PAQR3: variants seen among roughly 807,000 people sequenced by gnomAD.
PAQR3 encodes the protein progestin and adipoQ receptor family member 3.
A neutral mutation model predicts 41.7 loss-of-function variants in PAQR3; 39 were observed. The ratio of observed to expected loss-of-function variants is 0.93; its 90% CI spans 0.72 to 1.22. The LOEUF (loss-of-function observed/expected upper bound fraction) is 1.22, where lower values mean the gene tolerates loss of function less well. Ranked by LOEUF, PAQR3 falls within the 50% of genes most tolerant of loss-of-function variation. The probability of loss-of-function intolerance (pLI) is 0.00; values close to 1 mark genes in which losing one functional copy is unlikely to be tolerated. For missense variants in PAQR3, 366 were observed against 385.6 expected, an observed-to-expected ratio of 0.95 and a Z score of 0.42; for synonymous variants, 140 against 140.6, an observed-to-expected ratio of 1.00 and a Z score of 0.03.
In PAQR3 at chr4:78,920,679, G is replaced by T; in HGVS notation, c.796C>A (p.Gln266Lys). The T allele has an allele frequency of 5.0e-6, 8 of 1,598,620 alleles. No individual in the cohort carries two copies. Among genetic ancestry groups the T allele is most frequent in the Non-Finnish European group, 6.8e-6 (8 of 1,172,020 alleles). The part of the protein sequence containing the change: ...SKVPERYFPG[Q>K]LNYLGSSHQI... ...TGGCTTGATCCGAGGTAGTTTAGTT[G>T]TCCTGGAAAGAAGGTAGAAAGAAAA... is the stretch of plus-strand genomic sequence containing the variant. Residue 266 changes from glutamine to lysine, a missense_variant and splice_region_variant, in exon 6 of 6, where the codon CAA becomes AAA. Coordinates refer to ENST00000512733, the MANE Select transcript of PAQR3 (RefSeq NM_001040202.2).
At chr4:78,921,975 T>G (rs1279719321) in intron 5 of PAQR3, 7 of 984,146 alleles carry the variant, frequency 7.1e-6, no homozygotes, top group African/African-American at 1.7e-5. Flanking sequence ...TGTCCTATAT[T>G]AAACAATTGG....
chr4:78,928,445 T>G (rs559189949), intron 3 of PAQR3, among the ~76,000 whole-genome samples: 2 of 152,324 alleles, frequency 1.3e-5, no homozygotes, highest in South Asian at 4.1e-4. Context: ...CGCGTTTAAG[T>G]GGCTAAAATT....
In PAQR3 at chr4:78,939,076, T is replaced by C; in HGVS notation, c.149A>G (p.Tyr50Cys). 3.7e-6 allele frequency: 6 copies of C among 1,611,874 alleles called. No individual in the cohort carries two copies. The highest frequency in any genetic ancestry group is 4.2e-6 in the Non-Finnish European group (5 of 1,178,414). ...CAGCCTGGACGGCAGGTAGGCCCGG[T>C]AGCCGTCGGTGATGTACGGGTTGTC... The part of the protein sequence containing the change: ...LKDNPYITDG[Y>C]RAYLPSRLCI... Residue 50 changes from tyrosine to cysteine, a missense_variant, in exon 1 of 6, where the codon TAC (tyrosine) becomes TGC (cysteine). By Grantham distance (194) the Tyr-to-Cys change is radical. Coordinates refer to ENST00000512733, the MANE Select transcript of PAQR3 (RefSeq NM_001040202.2).
rs1469319303 is a variant in PAQR3, at chr4:78,916,157, C to T, written c.*4382G>A. On this transcript the variant is annotated 3_prime_UTR_variant, in exon 6 of 6. Transcript: ENST00000512733. ...GATAGACTCAGTCTCCCCCTCCCAC[C>T]CCTTTTCCCCTGCCATATCTAATTA... The T allele has an allele frequency of 6.6e-6, 1 of 151,924 alleles. No individual in the cohort carries two copies. The highest frequency in any genetic ancestry group is 1.5e-5 in the Non-Finnish European group (1 of 67,866). 9.4% of individuals were successfully genotyped at this position (151,924 alleles called of 1,614,324 possible).
At chr4:78,897,788 A>G (rs1016348309) in intron 11 of PAQR3, among the ~76,000 whole-genome samples, 2 of 152,196 alleles carry the variant, frequency 1.3e-5, no homozygotes, top group African/African-American at 4.8e-5. Flanking sequence ...AAGTTAATTC[A>G]GGAGCTATTT....
At chr4:78,887,203 A>G (rs751229561) in exon 13 of PAQR3, 47 of 1,610,614 alleles carry the variant, frequency 2.9e-5, no homozygotes, top group Non-Finnish European at 3.9e-5. Flanking sequence ...ATCCTCAGAT[A>G]AGAATGTAGA....
Position 78,919,873 on chromosome 4 carries a change from A to G in PAQR3, c.*666T>C. ...GTACTTAGTTTCTAATGTGATTCTT[A>G]TCTGATAGAAAATGAGAAGTTCTTT... On this transcript the variant is annotated 3_prime_UTR_variant, in exon 6 of 6. Coordinates refer to ENST00000512733, the MANE Select transcript of PAQR3 (RefSeq NM_001040202.2). 1.0e-6 allele frequency: 1 copy of G among 985,210 alleles called. No individual in the cohort carries two copies. Among genetic ancestry groups the G allele is most frequent in the Non-Finnish European group, 1.2e-6 (1 of 829,516 alleles). 61.0% of individuals were successfully genotyped at this position (985,210 alleles called of 1,614,324 possible). A position where few individuals can be genotyped will look rare whatever the true frequency, so the allele number is the denominator to read the frequency against.
intron 12 of PAQR3, among the ~76,000 whole-genome samples, chr4:78,887,548 GA>G (rs1291663962): frequency 1.3e-5 from 2 of 151,730 alleles, no homozygotes; most frequent in Non-Finnish European, 2.9e-5. Context: ...GGATACTGTT[GA>G]AAAAAATATT....
intron 2 of PAQR3, 83 bp from the exon 3 acceptor site, chr4:78,930,408 G>A: frequency 2.2e-6 from 3 of 1,392,540 alleles, no homozygotes; most frequent in South Asian, 1.4e-5. Flanking sequence ...GTAGTTAAGA[G>A]GCTAGGCTTT....
At chr4:78,909,877 G>A (rs1342923138), downstream of PAQR3, among the ~76,000 whole-genome samples, 6 of 152,122 alleles carry the variant, frequency 3.9e-5, no homozygotes, top group Admixed American at 1.3e-4. Context: ...TATTTCTTTC[G>A]TTGAATGAAC....
chr4:78,901,530 T>C lies in PAQR3; in HGVS notation c.*836+4578A>G, dbSNP rs1289851186. ...CACTACCAGTATCTGTTTAAGATGG[T>C]GCCATTCCTATTTTCACTAAAGGAT... is the stretch of plus-strand genomic sequence containing the variant. On this transcript the variant is annotated intron_variant and NMD_transcript_variant, in intron 11 of 12. Transcript: ENST00000342820. Among the ~76,000 whole-genome samples, 8 of 151,902 alleles carry C rather than the reference T, an allele frequency of 5.3e-5. No homozygotes were observed. The South Asian group carries it at 1.7e-3, about 31-fold the overall frequency.
chr4:78,888,119 G>A (rs145833130), exon 12 of PAQR3: 2 of 152,306 alleles, frequency 1.3e-5, no homozygotes, highest in African/African-American at 4.8e-5. Context: ...ACATTGAACA[G>A]CTTTTCAACA....
rs193059484 is a variant in PAQR3, at chr4:78,890,368, T to G, written c.*837-2220A>C. Among the ~76,000 whole-genome samples, 34 of 151,392 alleles carry G rather than the reference T, an allele frequency of 2.2e-4. No individual in the cohort carries two copies. In the East Asian group the frequency reaches 6.4e-3, roughly 28 times the overall value. On this transcript the variant is annotated intron_variant and NMD_transcript_variant, in intron 11 of 12. Coordinates refer to the PAQR3 transcript ENST00000342820. ...GAGATTTTTTTTTGATTTAGATATT[T>G]TACAGTTTGTCCGCCTCACACATAC...
In PAQR3 at chr4:78,920,174, A is replaced by C. The variant is rs1735508804; in HGVS notation, c.*365T>G. 1 of 993,988 alleles carries C rather than the reference A, an allele frequency of 1.0e-6. No homozygotes were observed. The highest frequency in any genetic ancestry group is 1.7e-5 in the African/African-American group (1 of 57,626). 61.6% of individuals were successfully genotyped at this position (993,988 alleles called of 1,614,324 possible). A position where few individuals can be genotyped will look rare whatever the true frequency, so the allele number is the denominator to read the frequency against. On this transcript the variant is annotated 3_prime_UTR_variant, in exon 6 of 6. Transcript: ENST00000512733. ...CTTGACAATTAACTGAAAATAATTA[A>C]GCACATAAGATGACTCCATTTTCTA...
chr4:78,930,380 T>G, intron 2 of PAQR3, 55 bp from the exon 3 acceptor site: 1 of 1,532,544 alleles, frequency 6.5e-7, no homozygotes, highest in Non-Finnish European at 8.8e-7. Flanking sequence ...AAGCAACTTA[T>G]GCATGATATT....
intron 4 of PAQR3, 132 bp from the exon 5 acceptor site, chr4:78,924,079 C>A: frequency 1.4e-6 from 1 of 697,984 alleles, no homozygotes; most frequent in Non-Finnish European, 2.4e-6. Context: ...ATAATAGAAA[C>A]CTTGTCCTCA....
chr4:78,921,549 T>A (rs926542821), intron 5 of PAQR3: 8 of 658,072 alleles, frequency 1.2e-5, no homozygotes, highest in African/African-American at 9.9e-5. Flanking sequence ...CCCATTTTTT[T>A]AAAAAACAAA....
chr4:78,911,194 C>T, downstream of PAQR3: 1 of 1,613,808 alleles, frequency 6.2e-7, no homozygotes, highest in African/African-American at 1.3e-5. Context: ...CCTCCCTCAA[C>T]ACAGGTTTCC....
downstream of PAQR3, among the ~76,000 whole-genome samples, chr4:78,908,496 G>C (rs935139879): frequency 6.6e-6 from 1 of 152,154 alleles, no homozygotes; most frequent in Middle Eastern, 3.2e-3. Context: ...TGAGGGCTCA[G>C]TTTTGGATCT....
Sources: allele counts gnomAD v4.1 joint callset (sites outside exome capture counted in the v4.1 genomes callset), GRCh38; gene constraint gnomAD v4.1.1; transcripts MANE v1.5; gene names NCBI Gene and HGNC (gene_info 2026-07-23, HGNC 2026-07-21).